RBPJ: variants seen among roughly 807,000 people sequenced by gnomAD.
RBPJ encodes the protein recombination signal binding protein for immunoglobulin kappa J region.
RBPJ carries 9 observed loss-of-function variants against 67.8 expected under a neutral mutation model. The observed-to-expected ratio is 0.13, with a 90% CI of 0.08 to 0.23. The LOEUF (loss-of-function observed/expected upper bound fraction) is 0.23. Among genes scored for constraint, RBPJ ranks in the 10% least tolerant of loss-of-function variants. RBPJ has a pLI of 1.00. For synonymous variants in RBPJ, 198 were observed against 203.3 expected, an observed-to-expected ratio of 0.97 and a Z score of 0.22; for missense variants, 305 against 595.6, an observed-to-expected ratio of 0.51 and a Z score of 5.08.
At chr4:26,246,440 A>G (rs1237615433) in intron 1 of RBPJ, among the ~76,000 whole-genome samples, 2 of 152,242 alleles carry the variant, frequency 1.3e-5, no homozygotes, top group African/African-American at 4.8e-5. Context: ...AAAACCAAAA[A>G]GTTTGAAAGT....
chr4:26,150,728 G>A, the RBPJ span, among the ~76,000 whole-genome samples: 1 of 152,176 alleles, frequency 6.6e-6, no homozygotes, highest in Non-Finnish European at 1.5e-5. Flanking sequence ...CAAGGACAGT[G>A]ATGGACACAG....
intron 1 of RBPJ, among the ~76,000 whole-genome samples, chr4:26,340,584 G>A (rs763512090): frequency 1.4e-4 from 22 of 152,132 alleles, no homozygotes; most frequent in Admixed American, 2.0e-4. Flanking sequence ...TTGGGGCCGG[G>A]CGGGGTAGCT....
chr4:26,248,013 G>C (rs1719983661), intron 1 of RBPJ, among the ~76,000 whole-genome samples: 1 of 152,064 alleles, frequency 6.6e-6, no homozygotes. Context: ...ATAAATAAAG[G>C]CGAGGCATGG....
chr4:26,222,633 A>AATATATATATAT (rs10673072), intron 1 of RBPJ, among the ~76,000 whole-genome samples: 149 of 135,914 alleles, frequency 1.1e-3, no homozygotes, highest in East Asian at 6.2e-3. Context: ...TGTACTCTGA[A>AATATATATATAT]ATATATATAT....
At chr4:26,332,401 T>G (rs1183159253) in intron 1 of RBPJ, among the ~76,000 whole-genome samples, 1 of 152,210 alleles carries the variant, frequency 6.6e-6, no homozygotes, top group East Asian at 1.9e-4. Flanking sequence ...AATTGTCAGT[T>G]GCTTAAATAA....
intron 1 of RBPJ, among the ~76,000 whole-genome samples, chr4:26,306,862 T>G (rs1404375744): frequency 6.6e-6 from 1 of 152,028 alleles, no homozygotes; most frequent in Non-Finnish European, 1.5e-5. Context: ...TTTGTAGGAT[T>G]TTTTAAAAAT....
intron 1 of RBPJ, among the ~76,000 whole-genome samples, chr4:26,195,230 G>C (rs373920069): frequency 6.6e-6 from 1 of 152,104 alleles, no homozygotes; most frequent in Admixed American, 6.5e-5. Flanking sequence ...TTACCTGGGC[G>C]TGGTGGCAGC....
intron 1 of RBPJ, among the ~76,000 whole-genome samples, chr4:26,234,640 C>G (rs553596703): frequency 6.6e-6 from 1 of 152,150 alleles, no homozygotes; most frequent in African/African-American, 2.4e-5. Context: ...TCCTTATCAC[C>G]TTGTAGTTAA....
rs1439518484 is a variant in RBPJ, at chr4:26,415,648, A to C, written c.321+8A>C. On this transcript the variant is annotated splice_region_variant and intron_variant, in intron 4 of 10. Transcript: ENST00000355476. ...CTAAACTTGGAAGGAAAGGTAAATC[A>C]AGACTGCTAGTTCACCAGAAAGGGG... 1.2e-6 allele frequency: 2 copies of C among 1,601,326 alleles called. No homozygotes were observed. Among genetic ancestry groups the C allele is most frequent in the Non-Finnish European group, 1.7e-6 (2 of 1,175,350 alleles).
upstream of RBPJ, among the ~76,000 whole-genome samples, chr4:26,158,945 TTCTCTCTCTCTCTCTCTCTCTC>T (rs5856933): frequency 7.3e-6 from 1 of 136,732 alleles, no homozygotes; most frequent in East Asian, 2.2e-4. Context: ...CTCTCTCTCT[TTCTCTCTCTCTCTCTCTCTCTC>T]TCTCTCTCTC....
intron 2 of RBPJ, among the ~76,000 whole-genome samples, chr4:26,387,158 C>T (rs1451073995): frequency 1.3e-5 from 2 of 152,076 alleles, no homozygotes; most frequent in Non-Finnish European, 2.9e-5. Context: ...TCATAGCTTT[C>T]ATACCACTTT....
At chr4:26,184,037 C>A (rs748227026) in intron 1 of RBPJ, among the ~76,000 whole-genome samples, 23 of 150,916 alleles carry the variant, frequency 1.5e-4, no homozygotes, top group Non-Finnish European at 3.1e-4. Context: ...AAAAAATTAG[C>A]CAGGCATGGT....
intron 2 of RBPJ, among the ~76,000 whole-genome samples, chr4:26,397,911 G>A (rs1281321165): frequency 6.6e-6 from 1 of 152,230 alleles, no homozygotes; most frequent in African/African-American, 2.4e-5. Flanking sequence ...GGGATTACAG[G>A]CGTGAGCCAC....
At chr4:26,160,299 A>G (rs761436361), upstream of RBPJ, among the ~76,000 whole-genome samples, 2 of 152,232 alleles carry the variant, frequency 1.3e-5, no homozygotes, top group Non-Finnish European at 2.9e-5. Flanking sequence ...ATTCAATCAC[A>G]TGAACACAGA....
chr4:26,425,434 C>T (rs550992396), intron 7 of RBPJ, among the ~76,000 whole-genome samples: 6 of 151,862 alleles, frequency 4.0e-5, no homozygotes, highest in Admixed American at 1.3e-4. Flanking sequence ...ATGGTCAGAC[C>T]GTCTTTACCA....
upstream of RBPJ, among the ~76,000 whole-genome samples, chr4:26,318,996 C>CAAAAAAAA (rs201084739): frequency 2.4e-5 from 2 of 83,864 alleles, no homozygotes; most frequent in Admixed American, 1.7e-4. Flanking sequence ...GACTCCGTCT[C>CAAAAAAAA]AAAAAAAAAA....
At chr4:26,380,044 G>A (rs990006812) in intron 1 of RBPJ, among the ~76,000 whole-genome samples, 1 of 152,160 alleles carries the variant, frequency 6.6e-6, no homozygotes, top group Non-Finnish European at 1.5e-5. Context: ...GGTAAGAGCA[G>A]GTTCGAAACT....
At chr4:26,140,661 G>C in the RBPJ span, among the ~76,000 whole-genome samples, 1 of 107,850 alleles carries the variant, frequency 9.3e-6, no homozygotes, top group African/African-American at 3.8e-5. Flanking sequence ...CCTCTGATTG[G>C]CCTGACTTCA....
intron 2 of RBPJ, among the ~76,000 whole-genome samples, chr4:26,390,696 A>G (rs1406971621): frequency 6.6e-6 from 1 of 152,190 alleles, no homozygotes; most frequent in Admixed American, 6.5e-5. Flanking sequence ...TACACTGAAG[A>G]CTACCAAACA....
Sources: gnomAD v4.1 joint callset for allele counts (sites outside exome capture counted in the v4.1 genomes callset) on GRCh38, gnomAD v4.1.1 for gene constraint, MANE v1.5 for transcripts, NCBI Gene and HGNC (gene_info 2026-07-23, HGNC 2026-07-21) for gene names.